The following LDAH variants were observed in gnomAD, a reference collection of about 807,000 sequenced individuals.
LDAH encodes the protein lipid droplet-associated hydrolase.
A neutral mutation model predicts 29.6 loss-of-function variants in LDAH; 26 were observed. The observed-to-expected ratio is 0.88, with a 90% CI of 0.64 to 1.22. LDAH has a LOEUF of 1.22. Among genes scored for constraint, LDAH ranks in the 50% most tolerant of loss-of-function variants. The probability of loss-of-function intolerance (pLI) is 0.00; values close to 1 mark genes in which losing one functional copy is unlikely to be tolerated. For missense variants in LDAH, 344 were observed against 387.3 expected (o/e 0.89, Z 0.94); for synonymous variants, 117 against 133.0 (o/e 0.88, Z 0.83).
rs557878784 is a variant in LDAH at position 20,698,461 on chromosome 2, C to G, written c.786+3109G>C. ...TCCCAGCACCTTGGGAGGCCGAGGC[C>G]GGTAAATCACAAGGTCAGGAGTTTG... On this transcript the variant is annotated intron_variant, in intron 6 of 6. Transcript: ENST00000237822. The surrounding 1 kb of genome is among the most constrained non-coding windows in gnomAD (Gnocchi z 4.4). Among the ~76,000 whole-genome samples the G allele has an allele frequency of 1.5e-3, 225 of 152,100 alleles. 4 individuals carry two copies. The South Asian group carries it at 0.043, about 29-fold the overall frequency.
At chr2:20,715,825 G>T (rs1481916405) in intron 5 of LDAH, among the ~76,000 whole-genome samples, 2 of 150,654 alleles carry the variant, frequency 1.3e-5, no homozygotes, top group African/African-American at 4.8e-5. Context: ...ACTTACAAGG[G>T]ATGTGAGGGA....
At chr2:20,731,299 G>C in intron 5 of LDAH, among the ~76,000 whole-genome samples, 1 of 152,170 alleles carries the variant, frequency 6.6e-6, no homozygotes, top group Non-Finnish European at 1.5e-5. Context: ...TAGAAATAAT[G>C]ATGGAGTTAT....
chr2:20,795,678 CA>C (rs891291333), intron 2 of LDAH, among the ~76,000 whole-genome samples: 1 of 149,556 alleles, frequency 6.7e-6, no homozygotes, highest in Admixed American at 6.7e-5. Flanking sequence ...CTTACAAATG[CA>C]AAAAAAAGAA....
Position 20,687,109 on chromosome 2 carries a change from A to G in LDAH, c.787-15T>C. 7 of 1,596,152 alleles carry G rather than the reference A, an allele frequency of 4.4e-6. No homozygotes were observed. Among genetic ancestry groups the G allele is most frequent in the Non-Finnish European group, 6.0e-6 (7 of 1,170,690 alleles). ...TAAAATGTAAGCTGAAAGACAAGACAAAAACCTTTTATTAGAAAACACGTT... is the reference window on the plus strand; with the variant it reads ...TAAAATGTAAGCTGAAAGACAAGACGAAAACCTTTTATTAGAAAACACGTT... On this transcript the variant is annotated splice_polypyrimidine_tract_variant and intron_variant, in intron 6 of 6. Transcript: ENST00000237822.
intron 2 of LDAH, among the ~76,000 whole-genome samples, chr2:20,794,171 G>A (rs1671155489): frequency 6.6e-6 from 1 of 152,088 alleles, no homozygotes; most frequent in South Asian, 2.1e-4. Context: ...GAAAGGGAGT[G>A]TGTGCAGGGG....
At chr2:20,759,746 T>C (rs1418640151) in intron 4 of LDAH, among the ~76,000 whole-genome samples, 3 of 152,214 alleles carry the variant, frequency 2.0e-5, no homozygotes, top group Admixed American at 1.3e-4. Context: ...CTGATAGTTA[T>C]AGTCTGTCCA....
At chr2:20,774,038 C>T (rs919101702) in intron 4 of LDAH, among the ~76,000 whole-genome samples, 1 of 152,168 alleles carries the variant, frequency 6.6e-6, no homozygotes, top group Non-Finnish European at 1.5e-5. Context: ...GTCCTCAAAA[C>T]ATAGCACAGG....
chr2:20,702,043 T>G (rs1289415790), intron 5 of LDAH, among the ~76,000 whole-genome samples: 1 of 151,536 alleles, frequency 6.6e-6, no homozygotes, highest in Non-Finnish European at 1.5e-5. Flanking sequence ...GTTACTAACA[T>G]GAAAATATAC....
At chr2:20,766,199 T>C (rs763351713) in intron 4 of LDAH, among the ~76,000 whole-genome samples, 2 of 152,222 alleles carry the variant, frequency 1.3e-5, no homozygotes, top group African/African-American at 2.4e-5. Flanking sequence ...AATATATTTT[T>C]ATTCTATTCT....
In LDAH at chr2:20,792,808, C is replaced by T. The variant is rs1156907204; in HGVS notation, c.155-2410G>A. ...ATAATGGATACTTAATGCATGCAGGCATTAAAACCTAGATGATGGGTTGAC... is the reference window on the plus strand; with the variant it reads ...ATAATGGATACTTAATGCATGCAGGTATTAAAACCTAGATGATGGGTTGAC... On this transcript the variant is annotated intron_variant, in intron 2 of 6. Coordinates refer to ENST00000237822, the MANE Select transcript of LDAH (RefSeq NM_021925.4). 7.2e-5 allele frequency among the ~76,000 whole-genome samples: 11 copies of T among 152,174 alleles called. No individual in the cohort carries two copies. In the East Asian group the frequency reaches 2.1e-3, roughly 29 times the overall value.
At chr2:20,755,676 T>C (rs1572556634) in intron 4 of LDAH, among the ~76,000 whole-genome samples, 1 of 152,206 alleles carries the variant, frequency 6.6e-6, no homozygotes, top group African/African-American at 2.4e-5. Context: ...AGGTTTATTC[T>C]GTGTAGAAAT....
At chr2:20,766,072 CTT>C (rs545803356) in intron 4 of LDAH, among the ~76,000 whole-genome samples, 33 of 143,512 alleles carry the variant, frequency 2.3e-4, no homozygotes, top group Non-Finnish European at 2.1e-4. Flanking sequence ...GGTTTTCAAA[CTT>C]TTTTTTTTTT....
At position 20,687,003 on chromosome 2, in the gene LDAH, A is replaced by C; in HGVS notation, c.878T>G (p.Leu293Arg). Residue 293 changes from leucine to arginine, a missense_variant, in exon 7 of 7, where the codon CTC becomes CGC. Transcript: ENST00000237822. Reference sequence around the variant, plus strand: ...AGCATGAGGTATGTTTTTCTCACAGAGTCGAATGTCTCCTTCTGGAAAATC... The same window carrying C: ...AGCATGAGGTATGTTTTTCTCACAGCGTCGAATGTCTCCTTCTGGAAAATC... The part of the protein sequence containing the change: ...KKDFPEGDIR[L>R]CEKNIPHAFI... The C allele has an allele frequency of 6.2e-7, 1 of 1,614,122 alleles. No individual in the cohort carries two copies. Among genetic ancestry groups the C allele is most frequent in the Non-Finnish European group, 8.5e-7 (1 of 1,179,964 alleles).
intron 5 of LDAH, among the ~76,000 whole-genome samples, chr2:20,712,879 T>C (rs1307589821): frequency 6.6e-6 from 1 of 152,092 alleles, no homozygotes; most frequent in Admixed American, 6.5e-5. Flanking sequence ...CCAAGAAATA[T>C]GGGACTATGT....
At chr2:20,701,335 G>A (rs1663917788) in intron 6 of LDAH, among the ~76,000 whole-genome samples, 1 of 152,114 alleles carries the variant, frequency 6.6e-6, no homozygotes, top group Non-Finnish European at 1.5e-5. Context: ...GAAAAGTATT[G>A]ATTCTAAAAT....
intron 5 of LDAH, among the ~76,000 whole-genome samples, chr2:20,736,638 G>C (rs1375427470): frequency 1.3e-5 from 2 of 151,924 alleles, no homozygotes; most frequent in Non-Finnish European, 2.9e-5. Context: ...CTTTTTAAAG[G>C]GAAATTGACA....
chr2:20,715,099 A>G (rs1451188906), intron 5 of LDAH, among the ~76,000 whole-genome samples: 1 of 152,236 alleles, frequency 6.6e-6, no homozygotes, highest in Non-Finnish European at 1.5e-5. Context: ...TTAGACCAAT[A>G]TCGCTGATGA....
At chr2:20,694,935 C>A (rs1441115271) in intron 6 of LDAH, among the ~76,000 whole-genome samples, 1 of 152,388 alleles carries the variant, frequency 6.6e-6, no homozygotes, top group African/African-American at 2.4e-5. Context: ...GAGATGCTAA[C>A]CCAGGGCCTC....
At chr2:20,706,235 G>A (rs1664296723) in intron 5 of LDAH, among the ~76,000 whole-genome samples, 1 of 152,136 alleles carries the variant, frequency 6.6e-6, no homozygotes, top group African/African-American at 2.4e-5. Flanking sequence ...AAAGTTTGGG[G>A]AACACCATGA....
Sources: allele counts gnomAD v4.1 joint callset (sites outside exome capture counted in the v4.1 genomes callset), GRCh38; gene constraint gnomAD v4.1.1; non-coding constraint Gnocchi (gnomAD v3.1); transcripts MANE v1.5; gene names NCBI Gene and HGNC (gene_info 2026-07-23, HGNC 2026-07-21).